MEI1: variants seen among roughly 807,000 people sequenced by gnomAD.
MEI1 encodes meiotic double-stranded break formation protein 1, also known as meiosis inhibitor protein 1.
Under a neutral mutation model 146.2 loss-of-function variants are expected in MEI1, and 103 were observed. The observed-to-expected ratio is 0.70, with a 90% CI of 0.60 to 0.83. The LOEUF is 0.83. Among genes scored for constraint, MEI1 ranks in the 40% least tolerant of loss-of-function variants. The pLI is 0.00. For missense variants in MEI1, 1,529 were observed against 1,533.0 expected (o/e 1.00, Z 0.04); for synonymous variants, 652 against 628.2 (o/e 1.04, Z -0.57).
chr22:41,707,247 A>G (rs2069168177), intron 3 of MEI1, among the ~76,000 whole-genome samples: 2 of 152,104 alleles, frequency 1.3e-5, no homozygotes, highest in Non-Finnish European at 1.5e-5. Flanking sequence ...GAAGAAAAAG[A>G]GAACAACCAA....
intron 3 of MEI1, among the ~76,000 whole-genome samples, chr22:41,712,351 C>T (rs1183296553): frequency 6.6e-6 from 1 of 151,484 alleles, no homozygotes; most frequent in East Asian, 2.0e-4. Context: ...TCTCCTGCCT[C>T]GGTCTCCCGA....
chr22:41,758,614 T>G, intron 18 of MEI1, 81 bp downstream of exon 18: 2 of 1,409,098 alleles, frequency 1.4e-6, no homozygotes, highest in Non-Finnish European at 1.9e-6. Flanking sequence ...AGGGCATCTC[T>G]CCAAGCCTGA....
At chr22:41,703,504 T>C (rs1263669966) in intron 2 of MEI1, 50 bp downstream of exon 2, 4 of 1,447,298 alleles carry the variant, frequency 2.8e-6, no homozygotes, top group Non-Finnish European at 3.7e-6. Flanking sequence ...ATAGTATGTA[T>C]ATCTGCTTTT....
intron 19 of MEI1, among the ~76,000 whole-genome samples, chr22:41,766,049 CCTGA>C (rs977479767): frequency 6.6e-6 from 1 of 151,644 alleles, no homozygotes; most frequent in Non-Finnish European, 1.5e-5. Flanking sequence ...CGCCACCATG[CCTGA>C]CTAATTTTTT....
chr22:41,713,260 C>T (rs2069771213), intron 3 of MEI1, among the ~76,000 whole-genome samples: 1 of 152,064 alleles, frequency 6.6e-6, no homozygotes, highest in Non-Finnish European at 1.5e-5. Flanking sequence ...TGCTGAAGCC[C>T]AGGCATTTGA....
chr22:41,770,566 C>CCAAGGTGTCCTGGAATA (rs1367364559), intron 19 of MEI1, 120 bp from the exon 20 acceptor site: 12 of 951,680 alleles, frequency 1.3e-5, no homozygotes, highest in Non-Finnish European at 1.8e-5. Context: ...GATGAGCTAG[C>CCAAGGTGTCCTGGAATA]CAAGGTGTCC....
chr22:41,732,696 T>C, intron 11 of MEI1, 93 bp downstream of exon 11: 1 of 1,335,366 alleles, frequency 7.5e-7, no homozygotes, highest in Middle Eastern at 2.0e-4. Context: ...ATCCCTAGAT[T>C]ACTTATAATA....
chr22:41,745,755 C>A, intron 13 of MEI1, 130 bp from the exon 14 acceptor site: 1 of 878,462 alleles, frequency 1.1e-6, no homozygotes, highest in Non-Finnish European at 1.7e-6. Context: ...TGAATTTTCT[C>A]CCAGTCTGAT....
At chr22:41,758,985 A>T (rs769057679) in intron 18 of MEI1, among the ~76,000 whole-genome samples, 7 of 152,022 alleles carry the variant, frequency 4.6e-5, no homozygotes, top group Non-Finnish European at 1.0e-4. Context: ...TCCACAAAAC[A>T]TACAAAAATT....
At chr22:41,729,386 G>T (rs951095265) in intron 7 of MEI1, among the ~76,000 whole-genome samples, 1 of 152,134 alleles carries the variant, frequency 6.6e-6, no homozygotes, top group Non-Finnish European at 1.5e-5. Context: ...GTTAATGAAG[G>T]CTTGAGCACT....
At chr22:41,742,911 T>C (rs1322335956) in intron 11 of MEI1, among the ~76,000 whole-genome samples, 169 bp from the exon 12 acceptor site, 1 of 152,222 alleles carries the variant, frequency 6.6e-6, no homozygotes, top group Non-Finnish European at 1.5e-5. Flanking sequence ...CCCAAAGTGC[T>C]GGAATTAACA....
At chr22:41,750,698 T>A (rs1323820658) in intron 15 of MEI1, among the ~76,000 whole-genome samples, 2 of 152,244 alleles carry the variant, frequency 1.3e-5, no homozygotes, top group South Asian at 2.1e-4. Context: ...TTAGCCCATG[T>A]GAGTTGGAAT....
At chr22:41,761,555 C>G (rs2074494497) in intron 18 of MEI1, among the ~76,000 whole-genome samples, 2 of 152,028 alleles carry the variant, frequency 1.3e-5, no homozygotes, top group Admixed American at 1.3e-4. Context: ...ACCTCGTGAT[C>G]TGCCCGCCTC....
chr22:41,769,564 C>G (rs1304983431), intron 19 of MEI1, among the ~76,000 whole-genome samples: 1 of 151,940 alleles, frequency 6.6e-6, no homozygotes, highest in African/African-American at 2.4e-5. Flanking sequence ...CCTCTGCCTC[C>G]CGGGTTCAAG....
chr22:41,732,133 G>A (rs1401839299), intron 9 of MEI1, 112 bp from the exon 10 acceptor site: 26 of 768,522 alleles, frequency 3.4e-5, no homozygotes, highest in African/African-American at 7.0e-5. Flanking sequence ...GTCCCTCCAC[G>A]AGTGGCCTCC....
intron 19 of MEI1, among the ~76,000 whole-genome samples, chr22:41,769,533 C>T (rs1279209451): frequency 2.0e-5 from 3 of 151,122 alleles, no homozygotes; most frequent in Non-Finnish European, 2.9e-5. Flanking sequence ...AGTGCAATGG[C>T]GTGATCTTGG....
intron 12 of MEI1, among the ~76,000 whole-genome samples, chr22:41,743,604 T>C (rs2073054003): frequency 6.6e-6 from 1 of 152,228 alleles, no homozygotes; most frequent in Non-Finnish European, 1.5e-5. Flanking sequence ...TGCCATGTGT[T>C]GTAGCTGCTG....
intron 15 of MEI1, among the ~76,000 whole-genome samples, chr22:41,752,048 G>T (rs536309773): frequency 4.6e-5 from 7 of 151,194 alleles, no homozygotes; most frequent in South Asian, 2.1e-4. Flanking sequence ...CCAGCCTGGC[G>T]ACAGAGTGAG....
chr22:41,754,820 T>A (rs1157056525), intron 17 of MEI1, among the ~76,000 whole-genome samples: 4 of 152,142 alleles, frequency 2.6e-5, no homozygotes, highest in Non-Finnish European at 5.9e-5. Context: ...CTGTCATAAA[T>A]TGAAACAGGC....
Sources: gnomAD v4.1 joint callset for allele counts (sites outside exome capture counted in the v4.1 genomes callset) on GRCh38, gnomAD v4.1.1 for gene constraint, MANE v1.5 for transcripts, NCBI Gene and HGNC (gene_info 2026-07-23, HGNC 2026-07-21) for gene names.